PBX1: variants seen among roughly 807,000 people sequenced by gnomAD.
The protein encoded by PBX1 is PBX homeobox 1.
PBX1 carries 6 observed loss-of-function variants against 53.4 expected under a neutral mutation model. That is an observed-to-expected ratio of 0.11 (90% CI 0.06 to 0.22). The LOEUF (loss-of-function observed/expected upper bound fraction) is 0.22. Ranked by LOEUF, PBX1 falls within the 10% of genes least tolerant of loss-of-function variation. The pLI is 1.00. For synonymous variants in PBX1, 204 were observed against 212.3 expected, an observed-to-expected ratio of 0.96 and a Z score of 0.34; for missense variants, 251 against 551.4, an observed-to-expected ratio of 0.46 and a Z score of 5.46.
chr1:164,583,083 T>C (rs1654726038), intron 2 of PBX1, among the ~76,000 whole-genome samples: 1 of 152,232 alleles, frequency 6.6e-6, no homozygotes, highest in African/African-American at 2.4e-5. Context: ...CAAAAGTCCC[T>C]GTCCTTGAGG....
chr1:164,796,784 A>G (rs1393410213), intron 3 of PBX1, among the ~76,000 whole-genome samples: 7 of 152,208 alleles, frequency 4.6e-5, no homozygotes, highest in Non-Finnish European at 7.3e-5. Context: ...GAAAGTAACT[A>G]TTGTTTTTTA....
chr1:164,571,758 C>G (rs1653869651), intron 2 of PBX1, among the ~76,000 whole-genome samples: 1 of 150,416 alleles, frequency 6.6e-6, no homozygotes, highest in Non-Finnish European at 1.5e-5. Flanking sequence ...CTCGTGATAA[C>G]TCTATGTTTA....
chr1:164,732,473 G>A (rs1216418044), intron 2 of PBX1, among the ~76,000 whole-genome samples: 2 of 152,058 alleles, frequency 1.3e-5, no homozygotes, highest in East Asian at 3.9e-4. Flanking sequence ...AGATGACATT[G>A]CCTTCTAGTT....
intron 2 of PBX1, among the ~76,000 whole-genome samples, chr1:164,880,360 G>A (rs933212929): frequency 6.6e-6 from 1 of 152,156 alleles, no homozygotes; most frequent in African/African-American, 2.4e-5. Context: ...GTGTGTCAAT[G>A]CACTCTCATC....
intron 2 of PBX1, among the ~76,000 whole-genome samples, chr1:164,646,213 C>A (rs774008841): frequency 6.6e-5 from 10 of 152,264 alleles, no homozygotes; most frequent in Middle Eastern, 3.4e-3. Flanking sequence ...GAAATTGATT[C>A]AGGAGCAGCA....
At chr1:164,669,255 G>A (rs1241427585) in intron 2 of PBX1, among the ~76,000 whole-genome samples, 1 of 152,128 alleles carries the variant, frequency 6.6e-6, no homozygotes, top group Non-Finnish European at 1.5e-5. Flanking sequence ...TTGGGGAGAA[G>A]AAATGCCTTA....
chr1:164,576,493 C>T (rs918633019), intron 2 of PBX1, among the ~76,000 whole-genome samples: 8 of 152,212 alleles, frequency 5.3e-5, no homozygotes, highest in African/African-American at 1.9e-4. Context: ...TCAGACTCTG[C>T]CCTTGAGTTC....
chr1:164,759,583 CA>C (rs1181213953), intron 2 of PBX1, among the ~76,000 whole-genome samples: 4 of 152,114 alleles, frequency 2.6e-5, no homozygotes, highest in African/African-American at 9.7e-5. Flanking sequence ...CTACATGTAA[CA>C]GTAATTGCAG....
chr1:164,840,492 A>G (rs1671240369), intron 8 of PBX1, among the ~76,000 whole-genome samples: 1 of 152,140 alleles, frequency 6.6e-6, no homozygotes, highest in East Asian at 1.9e-4. Flanking sequence ...TTAGGAGACT[A>G]TGTCTGTTTT....
rs999597455 is a variant in PBX1, at chr1:164,846,955, C to T, written c.*279C>T. 22 of 1,290,298 alleles carry T rather than the reference C, an allele frequency of 1.7e-5. No individual in the cohort carries two copies. The African/African-American group carries it at 3.1e-4, about 18-fold the overall frequency. 79.9% of individuals were successfully genotyped at this position (1,290,298 alleles called of 1,614,324 possible). The stretch of plus-strand genomic sequence containing the variant: ...ATCTTCCCTGCCCCTGTGCCTCTGT[C>T]CTAGACTCCCGGGGTCCCCGCCCTC... On this transcript the variant is annotated 3_prime_UTR_variant, in exon 9 of 9. Coordinates refer to ENST00000420696, the MANE Select transcript of PBX1 (RefSeq NM_002585.4).
rs559410549 is a variant in PBX1 at position 164,850,989 on chromosome 1, G to C, written c.*4313G>C. On this transcript the variant is annotated 3_prime_UTR_variant, in exon 9 of 9. Coordinates refer to ENST00000420696, the MANE Select transcript of PBX1 (RefSeq NM_002585.4). ...TGGTATGATGGGCACCATTGGTTAA[G>C]TAAACTACATGCAGGAAGAAGTCCT... 69 of 220,458 alleles carry C rather than the reference G, an allele frequency of 3.1e-4. No homozygotes were observed. The highest frequency in any genetic ancestry group is 1.5e-3 in the African/African-American group (66 of 44,746). 13.7% of individuals were successfully genotyped at this position (220,458 alleles called of 1,614,324 possible).
chr1:164,781,008 G>A (rs191536158), intron 2 of PBX1, among the ~76,000 whole-genome samples: 4 of 152,292 alleles, frequency 2.6e-5, no homozygotes, highest in Admixed American at 6.5e-5. Flanking sequence ...CTGTTTGCCT[G>A]TGTGTTCCGT....
chr1:164,878,745 AC>A (rs1273214419), intron 2 of PBX1, among the ~76,000 whole-genome samples: 1 of 152,226 alleles, frequency 6.6e-6, no homozygotes, highest in Non-Finnish European at 1.5e-5. Flanking sequence ...GGGTAAAAAA[AC>A]AAAATTATTA....
At position 164,750,274 on chromosome 1, in the gene PBX1, A is replaced by G. The variant is rs561600116; in HGVS notation, c.266-42220A>G. On this transcript the variant is annotated intron_variant, in intron 2 of 8. Transcript: ENST00000420696. ...CATGTGTATATGTCTTTGTGTATGT[A>G]TGAAATATCTGAGAATATAGTATTT... Among the ~76,000 whole-genome samples the G allele has an allele frequency of 4.6e-5, 7 of 151,858 alleles. No homozygotes were observed. The South Asian group carries it at 1.5e-3, about 32-fold the overall frequency.
intron 7 of PBX1, 56 bp downstream of exon 7, chr1:164,820,240 A>G: frequency 1.0e-6 from 1 of 977,086 alleles, no homozygotes; most frequent in Non-Finnish European, 1.7e-6. Context: ...AAGAGCCCTC[A>G]GTTGTATTGG....
chr1:164,639,829 A>T (rs2101897474), intron 2 of PBX1, among the ~76,000 whole-genome samples: 1 of 151,822 alleles, frequency 6.6e-6, no homozygotes, highest in East Asian at 1.9e-4. Context: ...TGCCCAGCAA[A>T]TTTTTTCTAT....
intron 2 of PBX1, among the ~76,000 whole-genome samples, chr1:164,616,232 C>T (rs553795531): frequency 6.6e-5 from 10 of 152,190 alleles, no homozygotes; most frequent in African/African-American, 2.4e-4. Flanking sequence ...ATGTAGCCAC[C>T]AGCGTCTAGG....
chr1:164,723,797 C>T (rs191407136), intron 2 of PBX1, among the ~76,000 whole-genome samples: 11 of 152,250 alleles, frequency 7.2e-5, no homozygotes, highest in East Asian at 3.9e-4. Flanking sequence ...TAGTCTGTAG[C>T]GCTGGATAAT....
At chr1:164,589,085 C>G (rs904653918) in intron 2 of PBX1, among the ~76,000 whole-genome samples, 2 of 152,064 alleles carry the variant, frequency 1.3e-5, no homozygotes, top group African/African-American at 4.8e-5. Flanking sequence ...TGACTCCTCA[C>G]CCTTTGTCCT....
Sources: gnomAD v4.1 joint callset for allele counts (sites outside exome capture counted in the v4.1 genomes callset) on GRCh38, gnomAD v4.1.1 for gene constraint, MANE v1.5 for transcripts, NCBI Gene and HGNC (gene_info 2026-07-23, HGNC 2026-07-21) for gene names.